The following PTPRD variants were observed in gnomAD, a reference collection of about 807,000 sequenced individuals.
The protein encoded by PTPRD is receptor-type tyrosine-protein phosphatase delta.
PTPRD carries 34 observed loss-of-function variants against 214.5 expected under a neutral mutation model. The ratio of observed to expected loss-of-function variants is 0.16; its 90% CI spans 0.12 to 0.21. The LOEUF (loss-of-function observed/expected upper bound fraction) is 0.21, where lower values mean the gene tolerates loss of function less well. Among genes scored for constraint, PTPRD ranks in the 10% least tolerant of loss-of-function variants. The probability of loss-of-function intolerance (pLI) is 1.00; values close to 1 mark genes in which losing one functional copy is unlikely to be tolerated. For missense variants in PTPRD, 2,545 were observed against 2,398.7 expected (o/e 1.06, Z -1.27); for synonymous variants, 1,128 against 845.7 (o/e 1.33, Z -5.79).
chr9:8,713,043 T>C (rs1466982091), intron 12 of PTPRD, among the ~76,000 whole-genome samples: 2 of 152,166 alleles, frequency 1.3e-5, no homozygotes, highest in East Asian at 3.9e-4. Context: ...GTTACAAATC[T>C]CAAAATAAAA....
chr9:9,680,540 T>C (rs1372938853), intron 7 of PTPRD, among the ~76,000 whole-genome samples: 3 of 151,844 alleles, frequency 2.0e-5, no homozygotes, highest in Non-Finnish European at 4.4e-5. Context: ...AGTGATATAC[T>C]TAACAGAGGT....
intron 5 of PTPRD, among the ~76,000 whole-genome samples, chr9:9,899,710 A>C (rs2075921978): frequency 6.6e-6 from 1 of 152,096 alleles, no homozygotes; most frequent in Non-Finnish European, 1.5e-5. Flanking sequence ...ATACCTCCAA[A>C]GGAAAAAAAA....
intron 2 of PTPRD, among the ~76,000 whole-genome samples, chr9:10,565,731 T>G (rs1287728013): frequency 6.6e-6 from 1 of 152,052 alleles, no homozygotes; most frequent in Admixed American, 6.6e-5. Flanking sequence ...AGACGTCATC[T>G]TACTCTTTTA....
At chr9:8,459,421 T>G (rs1297560831) in intron 33 of PTPRD, among the ~76,000 whole-genome samples, 1 of 151,956 alleles carries the variant, frequency 6.6e-6, no homozygotes, top group East Asian at 1.9e-4. Context: ...CAATTTGGAT[T>G]GGAAAAAAAT....
At chr9:9,011,009 G>C (rs2099509633) in intron 11 of PTPRD, among the ~76,000 whole-genome samples, 2 of 152,112 alleles carry the variant, frequency 1.3e-5, no homozygotes, top group African/African-American at 2.4e-5. Flanking sequence ...CTATGGCCTA[G>C]GATTCATATG....
At chr9:10,534,415 CA>C (rs2057248987) in intron 2 of PTPRD, among the ~76,000 whole-genome samples, 1 of 151,776 alleles carries the variant, frequency 6.6e-6, no homozygotes, top group Admixed American at 6.6e-5. Context: ...ATAGTGTGAC[CA>C]AAGTTTACTT....
intron 3 of PTPRD, among the ~76,000 whole-genome samples, chr9:10,134,962 C>A (rs562233650): frequency 6.6e-6 from 1 of 152,136 alleles, no homozygotes; most frequent in East Asian, 1.9e-4. Flanking sequence ...AAAGTTGAAA[C>A]CCAATCAAAC....
chr9:8,368,641 T>G (rs184526241), intron 39 of PTPRD, among the ~76,000 whole-genome samples: 173 of 151,352 alleles, frequency 1.1e-3, no homozygotes, highest in Non-Finnish European at 1.9e-3. Flanking sequence ...TTACACTTTA[T>G]ACCTACTGGG....
intron 10 of PTPRD, among the ~76,000 whole-genome samples, chr9:9,048,251 C>T (rs2099677205): frequency 6.6e-6 from 1 of 152,054 alleles, no homozygotes; most frequent in African/African-American, 2.4e-5. Context: ...GGAGGTTCCT[C>T]AAAAAACTAA....
chr9:9,271,130 A>G lies in PTPRD; in HGVS notation c.-202-87767T>C, dbSNP rs182323223. Among the ~76,000 whole-genome samples, 777 of 151,414 alleles carry G rather than the reference A, an allele frequency of 5.1e-3. 4 individuals carry two copies. The highest frequency in any genetic ancestry group is 7.6e-3 in the Non-Finnish European group (514 of 67,534). ...TATGAAGCCTGAAACTCTAAATTAC[A>G]TATTAGAATTAGAAAAAAGAAAGCC... On this transcript the variant is annotated intron_variant, in intron 9 of 45. Transcript: ENST00000381196.
chr9:8,707,628 A>G (rs1220818101), intron 12 of PTPRD, among the ~76,000 whole-genome samples: 1 of 152,130 alleles, frequency 6.6e-6, no homozygotes, highest in African/African-American at 2.4e-5. Flanking sequence ...TTTCCTTTCC[A>G]TCTGTTACAT....
chr9:8,846,701 T>C (rs2097703834), intron 11 of PTPRD, among the ~76,000 whole-genome samples: 1 of 152,022 alleles, frequency 6.6e-6, no homozygotes, highest in African/African-American at 2.4e-5. Context: ...AGCAAATACT[T>C]TAGTATGGCT....
Position 10,279,016 on chromosome 9 carries a change from T to C in PTPRD, c.-545+61947A>G, listed in dbSNP as rs184732423. On this transcript the variant is annotated intron_variant, in intron 3 of 45. Transcript: ENST00000381196. ...ATCTCGATCTCCTGGCCTCGTGATC[T>C]GCCCGCCTTGGCCTCCCAAAGTGCT... Among the ~76,000 whole-genome samples, 163 of 152,276 alleles carry C rather than the reference T, an allele frequency of 1.1e-3. No homozygotes were observed. In the South Asian group the frequency reaches 0.015, roughly 14 times the overall value.
intron 2 of PTPRD, among the ~76,000 whole-genome samples, chr9:10,453,101 A>C (rs182143499): frequency 4.6e-5 from 7 of 151,622 alleles, no homozygotes. Context: ...TATATTCTTT[A>C]AGCTCTTGTC....
At chr9:8,586,349 A>G (rs1008678601) in intron 14 of PTPRD, among the ~76,000 whole-genome samples, 1 of 152,146 alleles carries the variant, frequency 6.6e-6, no homozygotes, top group African/African-American at 2.4e-5. Flanking sequence ...TAGACTCTAT[A>G]ACCAGCATTG....
At chr9:10,590,221 A>G (rs2075073909) in intron 2 of PTPRD, among the ~76,000 whole-genome samples, 1 of 152,054 alleles carries the variant, frequency 6.6e-6, no homozygotes, top group Non-Finnish European at 1.5e-5. Flanking sequence ...AGTCTATAAT[A>G]TTTACTAATA....
At chr9:8,625,876 A>G (rs1595561701) in intron 14 of PTPRD, among the ~76,000 whole-genome samples, 2 of 151,664 alleles carry the variant, frequency 1.3e-5, no homozygotes, top group African/African-American at 2.4e-5. Flanking sequence ...AGTTAAAAAA[A>G]AAAAAAAAAT....
At chr9:8,734,664 T>C (rs1003471686) in intron 11 of PTPRD, among the ~76,000 whole-genome samples, 1 of 152,232 alleles carries the variant, frequency 6.6e-6, no homozygotes, top group Non-Finnish European at 1.5e-5. Context: ...GCACCTACTG[T>C]GTGCAAGGCA....
chr9:10,552,096 T>C (rs893174544), intron 2 of PTPRD, among the ~76,000 whole-genome samples: 1 of 152,186 alleles, frequency 6.6e-6, no homozygotes. Flanking sequence ...AAATGAATGA[T>C]TGTCTCTTTT....
Sources: gnomAD v4.1 joint callset for allele counts (sites outside exome capture counted in the v4.1 genomes callset) on GRCh38, gnomAD v4.1.1 for gene constraint, MANE v1.5 for transcripts, NCBI Gene and HGNC (gene_info 2026-07-23, HGNC 2026-07-21) for gene names.